LMLN: variants seen among roughly 807,000 people sequenced by gnomAD.
The protein encoded by LMLN is leishmanolysin like peptidase, also known as leishmanolysin-like peptidase.
LMLN carries 70 observed loss-of-function variants against 92.3 expected under a neutral mutation model. The ratio of observed to expected loss-of-function variants is 0.76; its 90% CI spans 0.63 to 0.92. LMLN has a LOEUF of 0.92. LMLN is among the 40% of genes least tolerant of loss of function. The pLI is 0.00. For missense variants in LMLN, 691 were observed against 814.6 expected (o/e 0.85, Z 1.85); for synonymous variants, 308 against 296.2 (o/e 1.04, Z -0.41).
intron 11 of LMLN, among the ~76,000 whole-genome samples, chr3:198,006,466 A>G (rs951216294): frequency 5.3e-5 from 8 of 152,204 alleles, no homozygotes; most frequent in African/African-American, 1.2e-4. Flanking sequence ...TTAAGTAATT[A>G]CAGGTTTAGT....
At chr3:197,977,084 T>C (rs1721404841) in intron 5 of LMLN, among the ~76,000 whole-genome samples, 1 of 152,214 alleles carries the variant, frequency 6.6e-6, no homozygotes, top group Non-Finnish European at 1.5e-5. Context: ...CCTAGAAATT[T>C]ATTCCACAAA....
At position 197,976,083 on chromosome 3, in the gene LMLN, C is replaced by T. The variant is rs759582686; in HGVS notation, c.403C>T (p.Arg135Ter). Reference sequence around the variant, plus strand: ...TTTAGAGAAGACTTTTCAGGTCCGTCGACCTGCGGGCACTATCTTACTTAG... The same window carrying T: ...TTTAGAGAAGACTTTTCAGGTCCGTTGACCTGCGGGCACTATCTTACTTAG... The change falls in exon 4 of 16, where the codon CGA (arginine) becomes TGA (stop). Residue 135 changes from arginine (R) to a stop codon, truncating the protein, a stop_gained. Transcript: ENST00000330198. LOFTEE classifies it high-confidence loss of function. The T allele has an allele frequency of 6.8e-6, 11 of 1,607,606 alleles. No homozygotes were observed. The highest frequency in any genetic ancestry group is 1.3e-5 in the African/African-American group (1 of 74,548).
At chr3:197,981,806 C>CT (rs560078859) in intron 6 of LMLN, among the ~76,000 whole-genome samples, 24,626 of 140,680 alleles carry the variant, frequency 0.18, 3,012 homozygotes, top group African/African-American at 0.35. Flanking sequence ...GTCAGCTAGT[C>CT]TTTTTTTTTT....
intron 14 of LMLN, 39 bp from the exon 16 acceptor site, chr3:198,035,794 T>G: frequency 7.0e-7 from 1 of 1,425,722 alleles, no homozygotes; most frequent in Non-Finnish European, 9.8e-7. Flanking sequence ...TGACCTGATA[T>G]TTATTATTTT....
At chr3:197,963,805 G>A (rs572547805) in intron 1 of LMLN, among the ~76,000 whole-genome samples, 191 of 152,306 alleles carry the variant, frequency 1.3e-3, no homozygotes, top group African/African-American at 4.4e-3. Context: ...GTGAGGACAG[G>A]CAGTTCCAGG....
At chr3:197,994,611 T>C (rs1339941615) in intron 9 of LMLN, 2 of 152,138 alleles carry the variant, frequency 1.3e-5, no homozygotes, top group Non-Finnish European at 2.9e-5. Flanking sequence ...GAGCTCTCGC[T>C]TTGGCAGCAC....
At position 198,020,766 on chromosome 3, in the gene LMLN, G is replaced by GTTTGTTT. The variant is rs1260852398; in HGVS notation, c.1366-679_1366-678insTTGTTTT. Among the ~76,000 whole-genome samples, 53 of 25,632 alleles carry GTTTGTTT rather than the reference G, an allele frequency of 2.1e-3. 1 individual carries two copies. The highest frequency in any genetic ancestry group is 9.5e-3 in the African/African-American group (52 of 5,470). 16.8% of individuals were successfully genotyped at this position (25,632 alleles called of 152,430 possible). A position where few individuals can be genotyped will look rare whatever the true frequency, so the allele number is the denominator to read the frequency against. On this transcript the variant is annotated intron_variant, in intron 12 of 15. Coordinates refer to ENST00000330198, the Ensembl canonical transcript of LMLN. ...GCGCCACCACACCCAGCTAATTTTT[G>GTTTGTTT]TATTTTTTTTTTTTTTTTTTTTTTT...
chr3:198,023,854 C>T (rs1361754485), intron 13 of LMLN, among the ~76,000 whole-genome samples: 2 of 152,136 alleles, frequency 1.3e-5, no homozygotes, highest in Non-Finnish European at 2.9e-5. Flanking sequence ...TAAAGTAATG[C>T]GAAAACCGCA....
Position 198,035,362 on chromosome 3 carries a change from T to G in LMLN, c.1657-471T>G, listed in dbSNP as rs1392008092. 7.7e-5 allele frequency among the ~76,000 whole-genome samples: 4 copies of G among 52,006 alleles called. No homozygotes were observed. The African/African-American group carries it at 1.4e-3, about 18-fold the overall frequency. 34.1% of individuals were successfully genotyped at this position (52,006 alleles called of 152,430 possible). A position where few individuals can be genotyped will look rare whatever the true frequency, so the allele number is the denominator to read the frequency against. ...TAGGACCTAAATAACCCTCTTTTGG[T>G]TTTTTTTTTTTTTTTTTTTGACACG... On this transcript the variant is annotated intron_variant, in intron 14 of 15. Coordinates refer to ENST00000330198, the Ensembl canonical transcript of LMLN.
chr3:197,962,827 T>A (rs1356993202), intron 1 of LMLN, among the ~76,000 whole-genome samples: 2 of 151,718 alleles, frequency 1.3e-5, no homozygotes, highest in East Asian at 3.9e-4. Context: ...ACCTCTGTAA[T>A]AAATATTGAA....
chr3:197,996,842 T>C (rs1722032973), intron 10 of LMLN, among the ~76,000 whole-genome samples: 1 of 152,152 alleles, frequency 6.6e-6, no homozygotes, highest in African/African-American at 2.4e-5. Context: ...TTCACATGCA[T>C]GATCATAGCA....
chr3:198,016,452 T>G (rs985324737), intron 11 of LMLN, among the ~76,000 whole-genome samples: 19 of 152,198 alleles, frequency 1.2e-4, no homozygotes, highest in African/African-American at 4.6e-4. Context: ...TCTACAGAAC[T>G]GGAAAAACTC....
Position 198,025,805 on chromosome 3 carries a change from G to A in LMLN, c.1656+1017G>A, listed in dbSNP as rs1451105861. On this transcript the variant is annotated intron_variant, in intron 14 of 15. Coordinates refer to ENST00000330198, the Ensembl canonical transcript of LMLN. This position sits in a 1 kb window ranked among gnomAD's most constrained non-coding sequence, Gnocchi z 4.3. ...AATCTTCTGCACCCTACAAATGGAT[G>A]TCAGGGAGGACAGCGTAAGCCTGAG... 1.3e-5 allele frequency among the ~76,000 whole-genome samples: 2 copies of A among 152,232 alleles called. No individual in the cohort carries two copies. Among genetic ancestry groups the A allele is most frequent in the Non-Finnish European group, 2.9e-5 (2 of 68,044 alleles).
chr3:198,021,630 A>G (rs1722787008), intron 13 of LMLN, 25 bp downstream of exon 14: 1 of 1,588,068 alleles, frequency 6.3e-7, no homozygotes, highest in African/African-American at 1.3e-5. Context: ...GAAATGAAGT[A>G]TTATATACAT....
chr3:198,020,743 G>GCCA (rs1722753694), intron 12 of LMLN, among the ~76,000 whole-genome samples: 2 of 141,082 alleles, frequency 1.4e-5, no homozygotes, highest in African/African-American at 5.4e-5. Flanking sequence ...ACAGGTGTGC[G>GCCA]CCACCACACC....
intron 9 of LMLN, chr3:197,994,642 T>C (rs1018585140): frequency 7.2e-5 from 11 of 152,168 alleles, no homozygotes; most frequent in African/African-American, 2.7e-4. Context: ...ATTGGAATGA[T>C]ACAGAGAAGA....
intron 3 of LMLN, among the ~76,000 whole-genome samples, chr3:197,975,715 C>T (rs761276504): frequency 6.6e-6 from 1 of 151,842 alleles, no homozygotes; most frequent in Non-Finnish European, 1.5e-5. Context: ...GGTGTAGTAT[C>T]GAAGGAAATT....
intron 9 of LMLN, among the ~76,000 whole-genome samples, chr3:197,994,919 C>T (rs536279909): frequency 3.3e-5 from 5 of 152,304 alleles, no homozygotes; most frequent in South Asian, 4.1e-4. Context: ...TTGACTGCAG[C>T]GCTATTTACA....
exon 15 of LMLN, chr3:198,035,990 G>C: frequency 6.2e-7 from 1 of 1,614,010 alleles, no homozygotes; most frequent in Non-Finnish European, 8.5e-7. Context: ...TGTGAGCTCT[G>C]TCCTCCAGAA....
Sources: allele counts gnomAD v4.1 joint callset (sites outside exome capture counted in the v4.1 genomes callset), GRCh38; gene constraint gnomAD v4.1.1; non-coding constraint Gnocchi (gnomAD v3.1); transcripts MANE v1.5; gene names NCBI Gene and HGNC (gene_info 2026-07-23, HGNC 2026-07-21).